The following BCAS1 variants were observed in gnomAD, a reference collection of about 807,000 sequenced individuals.
BCAS1 encodes breast carcinoma-amplified sequence 1.
A neutral mutation model predicts 65.4 loss-of-function variants in BCAS1; 46 were observed. The ratio of observed to expected loss-of-function variants is 0.70; its 90% CI spans 0.55 to 0.90. BCAS1 has a LOEUF of 0.90. BCAS1 is among the 40% of genes least tolerant of loss of function. The probability of loss-of-function intolerance (pLI) is 0.00; values close to 1 mark genes in which losing one functional copy is unlikely to be tolerated. For missense variants in BCAS1, 793 were observed against 771.2 expected, an observed-to-expected ratio of 1.03 and a Z score of -0.33; for synonymous variants, 298 against 293.5, an observed-to-expected ratio of 1.02 and a Z score of -0.16.
rs1257840978 is a variant in BCAS1 at position 53,944,237 on chromosome 20, T to TA, written c.*684dup. 5 of 152,224 alleles carry TA rather than the reference T, an allele frequency of 3.3e-5. No homozygotes were observed. Among genetic ancestry groups the TA allele is most frequent in the Non-Finnish European group, 5.9e-5 (4 of 68,056 alleles). The allele number at this position is 152,224 out of a possible 1,614,324, so 9.4% of individuals were successfully genotyped here. A position where few individuals can be genotyped will look rare whatever the true frequency, so the allele number is the denominator to read the frequency against. Reference sequence around the variant, plus strand: ...GATTTTCGTCTCCCTTCTTCAAGCTTAGAGGATAAGCACGCATTTACTACA... The same window carrying TA: ...GATTTTCGTCTCCCTTCTTCAAGCTTAAGAGGATAAGCACGCATTTACTACA... On this transcript the variant is annotated 3_prime_UTR_variant, in exon 13 of 13. Coordinates refer to ENST00000688948, the MANE Select transcript of BCAS1 (RefSeq NM_001366298.2).
intron 2 of BCAS1, 123 bp downstream of exon 2, chr20:54,058,524 T>C (rs2092331577): frequency 6.7e-7 from 1 of 1,490,534 alleles, no homozygotes; most frequent in East Asian, 2.3e-5. Flanking sequence ...CTCCACTGTC[T>C]TGCACACACA....
At chr20:54,069,080 CT>C (rs1248969508) in intron 1 of BCAS1, among the ~76,000 whole-genome samples, 1 of 152,158 alleles carries the variant, frequency 6.6e-6, no homozygotes, top group African/African-American at 2.4e-5. Flanking sequence ...TTCCCCCACC[CT>C]CACTTAAATG....
intron 3 of BCAS1, among the ~76,000 whole-genome samples, chr20:54,036,934 G>A (rs796765420): frequency 1.4e-4 from 21 of 151,336 alleles, no homozygotes; most frequent in African/African-American, 5.1e-4. Context: ...CATTTTCAAA[G>A]TACCAAATAT....
At chr20:54,039,447 T>C (rs2091953343) in intron 3 of BCAS1, among the ~76,000 whole-genome samples, 1 of 151,350 alleles carries the variant, frequency 6.6e-6, no homozygotes, top group Admixed American at 6.6e-5. Flanking sequence ...TAGGCAAAGG[T>C]ACTACTACCC....
At chr20:54,010,452 ATG>A (rs2091295199) in intron 4 of BCAS1, among the ~76,000 whole-genome samples, 1 of 152,210 alleles carries the variant, frequency 6.6e-6, no homozygotes, top group Non-Finnish European at 1.5e-5. Context: ...TATACTAGGA[ATG>A]AACCCATGGG....
At chr20:54,041,005 A>C (rs964153030) in intron 3 of BCAS1, among the ~76,000 whole-genome samples, 1 of 151,396 alleles carries the variant, frequency 6.6e-6, no homozygotes, top group Non-Finnish European at 1.5e-5. Flanking sequence ...ATAAGAAGAA[A>C]CAAAGCACCG....
At chr20:53,999,348 C>T (rs1008753768) in intron 4 of BCAS1, among the ~76,000 whole-genome samples, 28 of 152,184 alleles carry the variant, frequency 1.8e-4, no homozygotes, top group African/African-American at 5.3e-4. Flanking sequence ...CTTATCTAAT[C>T]TTTGCCAAGA....
intron 1 of BCAS1, among the ~76,000 whole-genome samples, chr20:54,059,000 C>T (rs1601031093): frequency 6.6e-6 from 1 of 152,286 alleles, no homozygotes; most frequent in East Asian, 1.9e-4. Context: ...CACCTCTCCA[C>T]AGGACACCAG....
intron 1 of BCAS1, among the ~76,000 whole-genome samples, chr20:54,066,119 C>T (rs1389141151): frequency 6.7e-6 from 1 of 149,942 alleles, no homozygotes; most frequent in African/African-American, 2.4e-5. Context: ...GTCGCCCAGG[C>T]TGGAGTGCAG....
At chr20:53,954,294 G>GGAGAGAGAGAGAGAGAGAGA (rs71196437) in intron 11 of BCAS1, among the ~76,000 whole-genome samples, 29 of 125,912 alleles carry the variant, frequency 2.3e-4, no homozygotes, top group African/African-American at 7.6e-4. Flanking sequence ...GCTGAGAAAT[G>GGAGAGAGAGAGAGAGAGAGA]GAGAGAGAGA....
intron 3 of BCAS1, among the ~76,000 whole-genome samples, chr20:54,056,238 TAC>T (rs147707061): frequency 9.4e-5 from 14 of 149,306 alleles, no homozygotes; most frequent in East Asian, 3.9e-4. Context: ...TATATACACA[TAC>T]ACACACACAC....
intron 8 of BCAS1, among the ~76,000 whole-genome samples, chr20:53,978,830 AC>A (rs1213557082): frequency 6.6e-6 from 1 of 151,536 alleles, no homozygotes; most frequent in Non-Finnish European, 1.5e-5. Context: ...AGTCTAGAGT[AC>A]CATACACTGT....
rs2092402067 is a variant in BCAS1 at position 54,063,638 on chromosome 20, A to G, written c.-5-4915T>C. ...CTTCAAGCTTTTTCCAGGAGTGAGG[A>G]TGCTCTAGGACACAGGACTCTTATG... On this transcript the variant is annotated intron_variant, in intron 1 of 12. Coordinates refer to ENST00000688948, the MANE Select transcript of BCAS1 (RefSeq NM_001366298.2). 4.6e-5 allele frequency among the ~76,000 whole-genome samples: 7 copies of G among 152,282 alleles called. No individual in the cohort carries two copies. In the South Asian group the frequency reaches 1.2e-3, roughly 27 times the overall value.
Position 53,946,104 on chromosome 20 carries a change from C to T in BCAS1, c.1816-1108G>A, listed in dbSNP as rs184145297. On this transcript the variant is annotated intron_variant, in intron 12 of 12. Transcript: ENST00000688948. ...ACTATTATTATTATTATTACTTTAC[C>T]GTTTCTGTCAAGTATAACTTATAAG... 1.1e-4 allele frequency among the ~76,000 whole-genome samples: 17 copies of T among 151,892 alleles called. No individual in the cohort carries two copies. In the East Asian group the frequency reaches 2.7e-3, roughly 24 times the overall value.
intron 4 of BCAS1, among the ~76,000 whole-genome samples, chr20:54,002,915 A>G (rs1310134011): frequency 6.6e-6 from 1 of 152,178 alleles, no homozygotes; most frequent in African/African-American, 2.4e-5. Flanking sequence ...ATTAATTGCC[A>G]GTATCACCTG....
At chr20:53,990,174 T>G (rs901262592) in intron 7 of BCAS1, among the ~76,000 whole-genome samples, 2 of 152,184 alleles carry the variant, frequency 1.3e-5, no homozygotes, top group Non-Finnish European at 2.9e-5. Context: ...TGCTGCTTGC[T>G]AATACTTCAG....
chr20:53,999,092 T>C (rs1234284409), intron 4 of BCAS1, among the ~76,000 whole-genome samples: 1 of 152,198 alleles, frequency 6.6e-6, no homozygotes, highest in African/African-American at 2.4e-5. Flanking sequence ...ACTTATATAG[T>C]GTGTGCAGTA....
Position 54,028,387 on chromosome 20 carries a change from C to G in BCAS1, c.723+5G>C, listed in dbSNP as rs1438551226. On this transcript the variant is annotated splice_donor_5th_base_variant and intron_variant, in intron 4 of 12. Coordinates refer to ENST00000688948, the MANE Select transcript of BCAS1 (RefSeq NM_001366298.2). Reference sequence around the variant, plus strand: ...AACCAAGTGGATACACCTTGGCACACTTACCTTCCCTGCAGGGACATCATC... The same window carrying G: ...AACCAAGTGGATACACCTTGGCACAGTTACCTTCCCTGCAGGGACATCATC... 8 of 1,614,106 alleles carry G rather than the reference C, an allele frequency of 5.0e-6. No homozygotes were observed. The highest frequency in any genetic ancestry group is 4.5e-5 in the East Asian group (2 of 44,906).
intron 4 of BCAS1, among the ~76,000 whole-genome samples, chr20:54,022,338 C>T (rs158541): frequency 0.32 from 48,056 of 151,990 alleles, 7,954 homozygotes; most frequent in South Asian, 0.42. Flanking sequence ...TGATATATTA[C>T]CAACCCCTAA....
Sources: allele counts gnomAD v4.1 joint callset (sites outside exome capture counted in the v4.1 genomes callset), GRCh38; gene constraint gnomAD v4.1.1; transcripts MANE v1.5; gene names NCBI Gene and HGNC (gene_info 2026-07-23, HGNC 2026-07-21).